The following DLG2 variants were observed in gnomAD, a reference collection of about 807,000 sequenced individuals.
DLG2 encodes the protein disks large homolog 2.
DLG2 carries 45 observed loss-of-function variants against 132.5 expected under a neutral mutation model. The ratio of observed to expected loss-of-function variants is 0.34; its 90% confidence interval spans 0.27 to 0.44. DLG2 has a LOEUF of 0.44. Ranked by LOEUF, DLG2 falls within the 20% of genes least tolerant of loss-of-function variation. The pLI is 1.00. For missense variants in DLG2, 1,045 were observed against 1,196.9 expected (o/e 0.87, Z 1.87); for synonymous variants, 424 against 419.6 (o/e 1.01, Z -0.13).
intron 18 of DLG2, among the ~76,000 whole-genome samples, chr11:83,685,823 T>C (rs1467381326): frequency 6.6e-6 from 1 of 152,060 alleles, no homozygotes; most frequent in African/African-American, 2.4e-5. Flanking sequence ...AACTAAACTC[T>C]TGGTTTCCTC....
At chr11:84,819,106 C>A (rs981219924) in intron 6 of DLG2, among the ~76,000 whole-genome samples, 1 of 150,440 alleles carries the variant, frequency 6.6e-6, no homozygotes, top group East Asian at 2.0e-4. Context: ...CACACACACA[C>A]AATTTCGTTT....
intron 6 of DLG2, among the ~76,000 whole-genome samples, chr11:84,852,644 T>C (rs1486604723): frequency 6.6e-6 from 1 of 151,108 alleles, no homozygotes; most frequent in Non-Finnish European, 1.5e-5. Flanking sequence ...AGTATATACT[T>C]AAGGTAACTA....
intron 7 of DLG2, among the ~76,000 whole-genome samples, chr11:84,497,538 G>A (rs1458230963): frequency 6.6e-6 from 1 of 152,030 alleles, no homozygotes; most frequent in African/African-American, 2.4e-5. Flanking sequence ...AGACTCTCCT[G>A]GGAACATACT....
chr11:85,367,730 T>C (rs1378959624), intron 3 of DLG2, among the ~76,000 whole-genome samples: 1 of 152,150 alleles, frequency 6.6e-6, no homozygotes, highest in Non-Finnish European at 1.5e-5. Flanking sequence ...TTAAAGCACT[T>C]ACAATAATGC....
intron 17 of DLG2, chr11:83,814,923 T>C (rs1444491056): frequency 2.5e-5 from 5 of 201,912 alleles, no homozygotes; most frequent in Non-Finnish European, 5.6e-5. Flanking sequence ...TCCAAGCACT[T>C]GCACAGTCAA....
At chr11:83,603,759 T>C (rs1276139569) in intron 19 of DLG2, among the ~76,000 whole-genome samples, 2 of 152,196 alleles carry the variant, frequency 1.3e-5, no homozygotes, top group African/African-American at 4.8e-5. Flanking sequence ...TTTTCATATG[T>C]TAATAAGTAA....
chr11:84,450,533 A>G (rs769796251), intron 7 of DLG2, among the ~76,000 whole-genome samples: 14 of 151,760 alleles, frequency 9.2e-5, no homozygotes, highest in Non-Finnish European at 4.4e-5. Flanking sequence ...ATGTCAATAA[A>G]TGTTTAATCA....
At chr11:83,975,980 G>T (rs909267071) in intron 12 of DLG2, among the ~76,000 whole-genome samples, 2 of 151,890 alleles carry the variant, frequency 1.3e-5, no homozygotes, top group Non-Finnish European at 2.9e-5. Flanking sequence ...TCACATGCTT[G>T]CTTTTCTGAT....
At chr11:84,178,546 C>A (rs73517745) in intron 8 of DLG2, among the ~76,000 whole-genome samples, 3,628 of 152,204 alleles carry the variant, frequency 0.024, 145 homozygotes, top group African/African-American at 0.083. Flanking sequence ...AAAATAAAAT[C>A]TCAGGCCAAG....
chr11:83,620,012 T>C (rs942277494), intron 19 of DLG2, among the ~76,000 whole-genome samples: 5 of 152,190 alleles, frequency 3.3e-5, no homozygotes, highest in Non-Finnish European at 7.3e-5. Context: ...AGCTATTAAA[T>C]ACCCTGTTTG....
At chr11:85,397,942 C>G (rs192871197) in intron 3 of DLG2, among the ~76,000 whole-genome samples, 64 of 152,300 alleles carry the variant, frequency 4.2e-4, no homozygotes, top group African/African-American at 1.5e-3. Context: ...TAGACATCTA[C>G]AGAACTCTCC....
chr11:83,634,696 T>C (rs941521896), intron 18 of DLG2, among the ~76,000 whole-genome samples: 4 of 152,230 alleles, frequency 2.6e-5, no homozygotes, highest in Non-Finnish European at 2.9e-5. Flanking sequence ...AAAAGTTCTA[T>C]AAAATGTAAT....
At chr11:84,026,285 G>A (rs545738089) in intron 11 of DLG2, among the ~76,000 whole-genome samples, 33 of 152,120 alleles carry the variant, frequency 2.2e-4, no homozygotes, top group African/African-American at 6.0e-4. Flanking sequence ...TAAAGGAGTC[G>A]TGCCTGGTTT....
intron 2 of DLG2, among the ~76,000 whole-genome samples, chr11:85,608,727 T>C (rs1678646373): frequency 6.6e-6 from 1 of 152,154 alleles, no homozygotes; most frequent in South Asian, 2.1e-4. Flanking sequence ...CCCAGGTACA[T>C]GACCCTTTCT....
At chr11:85,050,829 G>A (rs1201061873) in intron 6 of DLG2, among the ~76,000 whole-genome samples, 1 of 152,124 alleles carries the variant, frequency 6.6e-6, no homozygotes, top group Non-Finnish European at 1.5e-5. Flanking sequence ...ACCTACTCAT[G>A]CTTTTTTAAT....
chr11:85,444,592 T>C lies in DLG2; in HGVS notation c.40+154065A>G, dbSNP rs764986703. 5.9e-5 allele frequency among the ~76,000 whole-genome samples: 9 copies of C among 152,214 alleles called. No individual in the cohort carries two copies. The East Asian group carries it at 1.7e-3, about 29-fold the overall frequency. On this transcript the variant is annotated intron_variant, in intron 3 of 27. Coordinates refer to ENST00000376104, the MANE Select transcript of DLG2 (RefSeq NM_001142699.3). ...CAAATTGTGGCCAGTGGAATATGGA[T>C]AAATCTTCTCCACAAGGCAACATGC...
At chr11:84,282,422 G>T (rs1367045889) in intron 7 of DLG2, among the ~76,000 whole-genome samples, 3 of 152,110 alleles carry the variant, frequency 2.0e-5, no homozygotes, top group African/African-American at 4.8e-5. Context: ...TTACAAAAAG[G>T]CATGAAGAAA....
At chr11:84,602,843 A>T (rs1384881032) in intron 6 of DLG2, among the ~76,000 whole-genome samples, 1 of 152,016 alleles carries the variant, frequency 6.6e-6, no homozygotes, top group Non-Finnish European at 1.5e-5. Context: ...GTTTCTTCAC[A>T]ACAGAGAATT....
rs370143724 is a variant in DLG2, at chr11:85,497,071, GA to G, written c.40+101585del. 9.4e-4 allele frequency among the ~76,000 whole-genome samples: 143 copies of G among 152,148 alleles called. 1 individual carries two copies. The highest frequency in any genetic ancestry group is 3.3e-3 in the African/African-American group (136 of 41,532). On this transcript the variant is annotated intron_variant, in intron 3 of 27. Transcript: ENST00000376104. ...CAGCAAGGGAACAAAATGAGATGGA[GA>G]ATGAGTTTGATGAGTTGACAGAAGT...
Sources: allele counts gnomAD v4.1 joint callset (sites outside exome capture counted in the v4.1 genomes callset), GRCh38; gene constraint gnomAD v4.1.1; transcripts MANE v1.5; gene names NCBI Gene and HGNC (gene_info 2026-07-23, HGNC 2026-07-21).